The following CTNND2 variants were observed in gnomAD, a reference collection of about 807,000 sequenced individuals.
The protein encoded by CTNND2 is catenin delta 2, also known as catenin delta-2.
CTNND2 carries 22 observed loss-of-function variants against 144.4 expected under a neutral mutation model. The observed-to-expected ratio is 0.15, with a 90% CI of 0.11 to 0.22. The LOEUF (loss-of-function observed/expected upper bound fraction) is 0.22, where lower values mean the gene tolerates loss of function less well. Among genes scored for constraint, CTNND2 ranks in the 10% least tolerant of loss-of-function variants. The probability of loss-of-function intolerance (pLI) is 1.00; values close to 1 mark genes in which losing one functional copy is unlikely to be tolerated. For synonymous variants in CTNND2, 751 were observed against 695.6 expected, an observed-to-expected ratio of 1.08 and a Z score of -1.25; for missense variants, 1,353 against 1,618.8, an observed-to-expected ratio of 0.84 and a Z score of 2.82.
intron 12 of CTNND2, among the ~76,000 whole-genome samples, chr5:11,156,071 G>A (rs972938993): frequency 1.3e-5 from 2 of 152,104 alleles, no homozygotes; most frequent in African/African-American, 2.4e-5. Flanking sequence ...CACTGATATT[G>A]GTACAATATC....
At chr5:11,505,413 C>T (rs1471583701) in intron 3 of CTNND2, among the ~76,000 whole-genome samples, 1 of 152,166 alleles carries the variant, frequency 6.6e-6, no homozygotes, top group Non-Finnish European at 1.5e-5. Context: ...AATAAATCAA[C>T]ACTCACAGGG....
At chr5:11,834,972 C>T (rs371917268) in intron 1 of CTNND2, among the ~76,000 whole-genome samples, 6 of 151,714 alleles carry the variant, frequency 4.0e-5, no homozygotes, top group African/African-American at 1.5e-4. Flanking sequence ...AATCCCATCT[C>T]TACAAAAAAT....
intron 18 of CTNND2, among the ~76,000 whole-genome samples, chr5:10,993,596 T>TTTTA (rs1402338778): frequency 6.6e-6 from 1 of 152,214 alleles, no homozygotes; most frequent in Non-Finnish European, 1.5e-5. Context: ...CTTTTAGATT[T>TTTTA]TTTATTTTTT....
At chr5:11,545,194 C>T (rs1313223797) in intron 3 of CTNND2, among the ~76,000 whole-genome samples, 4 of 146,844 alleles carry the variant, frequency 2.7e-5, no homozygotes, top group East Asian at 2.0e-4. Context: ...TGGTGGCAGG[C>T]GCCTGTAATC....
intron 2 of CTNND2, among the ~76,000 whole-genome samples, chr5:11,613,028 T>C (rs1475981379): frequency 6.6e-6 from 1 of 152,260 alleles, no homozygotes; most frequent in East Asian, 1.9e-4. Context: ...TTGATAGTGG[T>C]ATTTATTTCT....
chr5:11,528,378 C>T (rs1396424371), intron 3 of CTNND2, among the ~76,000 whole-genome samples: 1 of 151,888 alleles, frequency 6.6e-6, no homozygotes, highest in Non-Finnish European at 1.5e-5. Context: ...ACACAGCAAC[C>T]CATGAAATGA....
intron 1 of CTNND2, among the ~76,000 whole-genome samples, chr5:11,884,301 T>C (rs1736352778): frequency 6.6e-6 from 1 of 152,216 alleles, no homozygotes; most frequent in African/African-American, 2.4e-5. Context: ...AGGGTTTTTA[T>C]GGTTTTAGGT....
chr5:11,109,769 T>C (rs1262856111), intron 14 of CTNND2, among the ~76,000 whole-genome samples: 2 of 152,222 alleles, frequency 1.3e-5, no homozygotes, highest in Non-Finnish European at 2.9e-5. Flanking sequence ...GTAATTTTCA[T>C]TGTAGAAGAT....
intron 3 of CTNND2, among the ~76,000 whole-genome samples, chr5:11,479,959 A>C (rs1388652184): frequency 2.0e-5 from 3 of 152,136 alleles, no homozygotes; most frequent in African/African-American, 4.8e-5. Flanking sequence ...TCTGTAGGTT[A>C]TCTCTTTACT....
At chr5:11,685,057 G>T (rs762635641) in intron 2 of CTNND2, among the ~76,000 whole-genome samples, 31 of 152,152 alleles carry the variant, frequency 2.0e-4, no homozygotes, top group Non-Finnish European at 4.1e-4. Flanking sequence ...GGGCTATTTT[G>T]TCATCTAAAA....
At chr5:11,012,412 A>G (rs1209562578) in intron 18 of CTNND2, among the ~76,000 whole-genome samples, 2 of 152,238 alleles carry the variant, frequency 1.3e-5, no homozygotes, top group Non-Finnish European at 2.9e-5. Context: ...CTGCTTCCAG[A>G]GAACATGCTG....
intron 1 of CTNND2, among the ~76,000 whole-genome samples, chr5:11,802,165 A>C (rs897231104): frequency 6.6e-6 from 1 of 151,898 alleles, no homozygotes; most frequent in Non-Finnish European, 1.5e-5. Flanking sequence ...CCAGCTACTC[A>C]GGGGGCTGAG....
At chr5:11,315,673 T>C (rs114113408) in intron 9 of CTNND2, among the ~76,000 whole-genome samples, 2 of 152,330 alleles carry the variant, frequency 1.3e-5, no homozygotes, top group African/African-American at 4.8e-5. Context: ...CTAATTAACT[T>C]TGTAGAACAT....
intron 3 of CTNND2, among the ~76,000 whole-genome samples, chr5:11,480,996 G>C (rs1407843288): frequency 6.6e-6 from 1 of 152,032 alleles, no homozygotes; most frequent in East Asian, 1.9e-4. Context: ...ACGATATTTT[G>C]AATTAACTGG....
At chr5:11,899,178 T>C (rs1408230563) in intron 1 of CTNND2, among the ~76,000 whole-genome samples, 1 of 152,242 alleles carries the variant, frequency 6.6e-6, no homozygotes, top group African/African-American at 2.4e-5. Context: ...GTTTCTTTTT[T>C]CTCTATCATA....
chr5:11,083,954 C>T, intron 15 of CTNND2: 1 of 1,116,862 alleles, frequency 9.0e-7, no homozygotes, highest in Non-Finnish European at 1.1e-6. Context: ...CTCAGCCCAG[C>T]CCTGCATGAA....
intron 2 of CTNND2, among the ~76,000 whole-genome samples, chr5:11,642,341 A>C (rs1782110735): frequency 6.6e-6 from 1 of 152,212 alleles, no homozygotes; most frequent in African/African-American, 2.4e-5. Context: ...TTTTGTTGGA[A>C]GATGGCAATC....
chr5:11,585,630 A>T (rs955259658), intron 2 of CTNND2, among the ~76,000 whole-genome samples: 7 of 152,144 alleles, frequency 4.6e-5, no homozygotes, highest in Non-Finnish European at 8.8e-5. Flanking sequence ...CATGAAGTTT[A>T]CATTCTAATG....
chr5:11,484,844 T>C (rs1218716450), intron 3 of CTNND2, among the ~76,000 whole-genome samples: 2 of 152,192 alleles, frequency 1.3e-5, no homozygotes, highest in African/African-American at 4.8e-5. Context: ...GCTGGAGGAA[T>C]GCTCATAGAG....
Sources: allele counts gnomAD v4.1 joint callset (sites outside exome capture counted in the v4.1 genomes callset), GRCh38; gene constraint gnomAD v4.1.1; transcripts MANE v1.5; gene names NCBI Gene and HGNC (gene_info 2026-07-23, HGNC 2026-07-21).